The following KCNJ3 variants were observed in gnomAD, a reference collection of about 807,000 sequenced individuals.
KCNJ3 encodes the protein potassium inwardly rectifying channel subfamily J member 3.
In KCNJ3, 4 loss-of-function variants were observed where a neutral mutation model predicts 39.2. The ratio of observed to expected loss-of-function variants is 0.10; its 90% CI spans 0.05 to 0.23. KCNJ3 has a LOEUF of 0.23. KCNJ3 is among the 10% of genes least tolerant of loss of function. KCNJ3 has a pLI of 1.00. For missense variants in KCNJ3, 276 were observed against 634.9 expected (o/e 0.43, Z 6.08); for synonymous variants, 230 against 237.4 (o/e 0.97, Z 0.29).
At chr2:154,735,859 G>A (rs1291340438) in intron 2 of KCNJ3, among the ~76,000 whole-genome samples, 2 of 152,164 alleles carry the variant, frequency 1.3e-5, no homozygotes, top group African/African-American at 4.8e-5. Flanking sequence ...AAAGAAAACT[G>A]AGTAATCTTG....
rs571127377 is a variant in KCNJ3, at chr2:154,701,369, T to TTATTACAGATGTC, written c.702+1894_702+1906dup. On this transcript the variant is annotated intron_variant, in intron 1 of 2. Coordinates refer to ENST00000295101, the MANE Select transcript of KCNJ3 (RefSeq NM_002239.4). ...TAGTTTTTTAAACATTTAAGGTTATTTATTACAGATGTCTTTTCCAGACAA... is the reference window on the plus strand; with the variant it reads ...TAGTTTTTTAAACATTTAAGGTTATTTATTACAGATGTCTATTACAGATGTCTTTTCCAGACAA... Among the ~76,000 whole-genome samples, 729 of 152,236 alleles carry TTATTACAGATGTC rather than the reference T, an allele frequency of 4.8e-3. 1 individual carries two copies. The highest frequency in any genetic ancestry group is 8.3e-3 in the Non-Finnish European group (565 of 67,940).
At chr2:154,704,286 A>C (rs1405136405) in intron 1 of KCNJ3, among the ~76,000 whole-genome samples, 1 of 152,260 alleles carries the variant, frequency 6.6e-6, no homozygotes. Flanking sequence ...ACAAATGATA[A>C]AGCGAAGCAG....
intron 2 of KCNJ3, among the ~76,000 whole-genome samples, chr2:154,817,968 T>C (rs1687110319): frequency 6.6e-6 from 1 of 152,142 alleles, no homozygotes; most frequent in South Asian, 2.1e-4. Flanking sequence ...TTTTCTTATT[T>C]CGTGTCTTGT....
chr2:154,724,074 G>A (rs1331876947), intron 2 of KCNJ3, among the ~76,000 whole-genome samples: 1 of 152,004 alleles, frequency 6.6e-6, no homozygotes, highest in Non-Finnish European at 1.5e-5. Flanking sequence ...CTTTAATAAA[G>A]AAAAGAATGA....
intron 2 of KCNJ3, among the ~76,000 whole-genome samples, chr2:154,802,392 C>A (rs1330991755): frequency 1.3e-5 from 2 of 152,006 alleles, no homozygotes; most frequent in East Asian, 3.9e-4. Flanking sequence ...ATGGTCCCTG[C>A]CATGACTTGG....
intron 2 of KCNJ3, among the ~76,000 whole-genome samples, chr2:154,846,300 T>C (rs1215327421): frequency 1.3e-5 from 2 of 152,170 alleles, no homozygotes; most frequent in East Asian, 3.9e-4. Context: ...GATCTGTTTC[T>C]GAGAAATTAA....
chr2:154,835,602 A>G (rs1687446449), intron 2 of KCNJ3, among the ~76,000 whole-genome samples: 1 of 151,566 alleles, frequency 6.6e-6, no homozygotes, highest in Non-Finnish European at 1.5e-5. Context: ...TTCACCAATT[A>G]TTATTTCTAT....
At chr2:154,758,215 T>C (rs1418231980) in intron 2 of KCNJ3, among the ~76,000 whole-genome samples, 1 of 152,014 alleles carries the variant, frequency 6.6e-6, no homozygotes, top group East Asian at 1.9e-4. Flanking sequence ...GTTTTTCTTA[T>C]GGCTAGTATG....
intron 1 of KCNJ3, among the ~76,000 whole-genome samples, chr2:154,709,171 G>T (rs570145765): frequency 1.4e-4 from 21 of 152,226 alleles, no homozygotes; most frequent in African/African-American, 5.1e-4. Flanking sequence ...TCAAAATGAT[G>T]GTCAATCTTT....
intron 2 of KCNJ3, among the ~76,000 whole-genome samples, chr2:154,770,690 T>C (rs1415676622): frequency 6.6e-6 from 1 of 152,124 alleles, no homozygotes; most frequent in Non-Finnish European, 1.5e-5. Flanking sequence ...ATAAAGATCC[T>C]CTAATTTTCA....
intron 2 of KCNJ3, among the ~76,000 whole-genome samples, chr2:154,747,182 C>T (rs1047162078): frequency 9.9e-5 from 15 of 151,868 alleles, no homozygotes; most frequent in African/African-American, 3.6e-4. Flanking sequence ...ATTTGCCTCT[C>T]TAAGGAAGTC....
At chr2:154,830,306 TAC>T (rs1488340297) in intron 2 of KCNJ3, among the ~76,000 whole-genome samples, 6 of 152,312 alleles carry the variant, frequency 3.9e-5, no homozygotes, top group African/African-American at 1.4e-4. Flanking sequence ...CTGAATAAAG[TAC>T]AGTTTCTTTG....
intron 2 of KCNJ3, among the ~76,000 whole-genome samples, chr2:154,739,348 C>G (rs993907632): frequency 3.9e-5 from 6 of 151,978 alleles, no homozygotes; most frequent in African/African-American, 1.4e-4. Flanking sequence ...CTTTCATGTC[C>G]TCATTCCCAC....
At chr2:154,759,103 A>G (rs745658421) in intron 2 of KCNJ3, among the ~76,000 whole-genome samples, 1 of 152,202 alleles carries the variant, frequency 6.6e-6, no homozygotes, top group Admixed American at 6.5e-5. Flanking sequence ...TAATCCTTCT[A>G]TTAAATGCCC....
intron 2 of KCNJ3, among the ~76,000 whole-genome samples, chr2:154,838,795 G>A (rs548866899): frequency 1.3e-5 from 2 of 152,226 alleles, no homozygotes; most frequent in South Asian, 2.1e-4. Flanking sequence ...TACTTTGCAT[G>A]TAACATTTAG....
intron 2 of KCNJ3, among the ~76,000 whole-genome samples, chr2:154,766,763 A>G (rs1686143559): frequency 6.6e-6 from 1 of 151,822 alleles, no homozygotes; most frequent in African/African-American, 2.4e-5. Context: ...ACCATATTGG[A>G]CAGGCTGGTC....
At chr2:154,791,154 G>T (rs2591158) in intron 2 of KCNJ3, among the ~76,000 whole-genome samples, 113,082 of 151,760 alleles carry the variant, frequency 0.75, 42,698 homozygotes, top group East Asian at 0.95. Context: ...AGGGAAGTGT[G>T]GAAATTTTAT....
At position 154,858,166 on chromosome 2, in the gene KCNJ3, G is replaced by A. The variant is rs1349155362; in HGVS notation, c.*2853G>A. The A allele has an allele frequency of 6.6e-6, 1 of 151,882 alleles. No homozygotes were observed. Among genetic ancestry groups the A allele is most frequent in the East Asian group, 1.9e-4 (1 of 5,172 alleles). 9.4% of individuals were successfully genotyped at this position (151,882 alleles called of 1,614,324 possible). A position where few individuals can be genotyped will look rare whatever the true frequency, so the allele number is the denominator to read the frequency against. On this transcript the variant is annotated 3_prime_UTR_variant, in exon 3 of 3. Coordinates refer to ENST00000295101, the MANE Select transcript of KCNJ3 (RefSeq NM_002239.4). The stretch of plus-strand genomic sequence containing the variant: ...ATTGCAGTTTAACCCTTATTTCTAG[G>A]TTGATCATAGGTCCCAGTTTACCCA...
At chr2:154,850,638 T>A (rs1687744120) in intron 2 of KCNJ3, among the ~76,000 whole-genome samples, 1 of 152,190 alleles carries the variant, frequency 6.6e-6, no homozygotes, top group African/African-American at 2.4e-5. Flanking sequence ...TTTAAAACTA[T>A]GATTGTGAAT....
Sources: allele counts gnomAD v4.1 joint callset (sites outside exome capture counted in the v4.1 genomes callset), GRCh38; gene constraint gnomAD v4.1.1; transcripts MANE v1.5; gene names NCBI Gene and HGNC (gene_info 2026-07-23, HGNC 2026-07-21).